The following SLC71A1 variants were observed in gnomAD, a reference collection of about 807,000 sequenced individuals.
The protein encoded by SLC71A1 is solute carrier family 71 member 1.
At chr1:100,064,826 C>T in the SLC71A1 span, among the ~76,000 whole-genome samples, 15 of 151,342 alleles carry the variant, frequency 9.9e-5, no homozygotes, top group African/African-American at 2.9e-4. Flanking sequence ...TGGGCTCAAG[C>T]GATCCTTCTG....
the SLC71A1 span, chr1:100,038,340 A>T: frequency 1.3e-6 from 2 of 1,549,764 alleles, no homozygotes; most frequent in African/African-American, 2.7e-5. Flanking sequence ...CGCGCCGGCG[A>T]GCGTCCCTCG....
the SLC71A1 span, chr1:100,082,468 C>T: frequency 2.2e-6 from 1 of 451,978 alleles, no homozygotes. Flanking sequence ...TATTATACAT[C>T]CTTTAATTAA....
the SLC71A1 span, among the ~76,000 whole-genome samples, chr1:100,046,211 CGTTTTT>C: frequency 2.9e-5 from 2 of 69,504 alleles, no homozygotes; most frequent in African/African-American, 4.3e-5. Flanking sequence ...CTCCAAGCCT[CGTTTTT>C]TTTTTTTTTT....
At chr1:100,050,930 CAA>C in the SLC71A1 span, among the ~76,000 whole-genome samples, 1 of 151,714 alleles carries the variant, frequency 6.6e-6, no homozygotes, top group Non-Finnish European at 1.5e-5. Context: ...ACAAAAAATG[CAA>C]AAATTAGTTG....
chr1:100,071,391 A>C, the SLC71A1 span, among the ~76,000 whole-genome samples: 1 of 150,786 alleles, frequency 6.6e-6, no homozygotes, highest in Non-Finnish European at 1.5e-5. Flanking sequence ...GGATTGCTTG[A>C]TCCTGGGAGG....
the SLC71A1 span, among the ~76,000 whole-genome samples, chr1:100,064,165 G>A: frequency 1.3e-5 from 2 of 151,966 alleles, no homozygotes; most frequent in African/African-American, 2.4e-5. Flanking sequence ...TTGTTGAGAC[G>A]GAGTCTCGCT....
the SLC71A1 span, among the ~76,000 whole-genome samples, chr1:100,063,265 AAAAACAAAAC>A: frequency 0.052 from 7,824 of 151,460 alleles, 377 homozygotes; most frequent in African/African-American, 0.12. Flanking sequence ...TGTTCTGGCA[AAAAACAAAAC>A]AAAACAAAAC....
At chr1:100,060,015 C>T in the SLC71A1 span, 2 of 1,590,948 alleles carry the variant, frequency 1.3e-6, no homozygotes, top group Non-Finnish European at 1.7e-6. Flanking sequence ...GGTATGTGCA[C>T]ATTTAGATTA....
the SLC71A1 span, chr1:100,077,223 G>T: frequency 6.3e-7 from 1 of 1,596,914 alleles, no homozygotes; most frequent in Non-Finnish European, 8.6e-7. Flanking sequence ...ATTTTACTGG[G>T]TCTAGGATTT....
the SLC71A1 span, among the ~76,000 whole-genome samples, chr1:100,052,795 G>A: frequency 3.4e-5 from 5 of 146,864 alleles, no homozygotes; most frequent in East Asian, 2.0e-4. Context: ...GTTTGTTTGT[G>A]TATTTTGAGA....
the SLC71A1 span, chr1:100,080,382 G>A: frequency 1.8e-5 from 14 of 789,150 alleles, no homozygotes; most frequent in Non-Finnish European, 2.5e-5. Context: ...TAAATTGCTA[G>A]TGTCTGATAA....
At chr1:100,060,947 A>G in the SLC71A1 span, among the ~76,000 whole-genome samples, 2 of 152,114 alleles carry the variant, frequency 1.3e-5, no homozygotes, top group African/African-American at 2.4e-5. Context: ...CAAAGGCCCA[A>G]AGGTTTATAT....
At chr1:100,038,345 C>A in the SLC71A1 span, 5 of 1,541,924 alleles carry the variant, frequency 3.2e-6, no homozygotes, top group Admixed American at 7.8e-5. Context: ...CGGCGAGCGT[C>A]CCTCGGGGCC....
chr1:100,045,058 G>A, the SLC71A1 span, among the ~76,000 whole-genome samples: 2 of 152,054 alleles, frequency 1.3e-5, no homozygotes, highest in Non-Finnish European at 2.9e-5. Context: ...GTATTTTGAT[G>A]GGAATTGCAT....
At chr1:100,042,801 G>A in the SLC71A1 span, among the ~76,000 whole-genome samples, 2 of 151,998 alleles carry the variant, frequency 1.3e-5, no homozygotes, top group African/African-American at 4.8e-5. Flanking sequence ...GTAGAGACCG[G>A]ATTTTACCAT....
At chr1:100,076,482 A>C in the SLC71A1 span, among the ~76,000 whole-genome samples, 5 of 152,214 alleles carry the variant, frequency 3.3e-5, no homozygotes, top group Non-Finnish European at 5.9e-5. Context: ...TGCCAGGCAC[A>C]ATTCTAAGAA....
the SLC71A1 span, among the ~76,000 whole-genome samples, chr1:100,054,377 T>A: frequency 6.6e-6 from 1 of 152,094 alleles, no homozygotes; most frequent in Admixed American, 6.5e-5. Context: ...CATGCCTGGC[T>A]AATTTTTTTA....
chr1:100,040,401 A>C, the SLC71A1 span, among the ~76,000 whole-genome samples: 1 of 152,214 alleles, frequency 6.6e-6, no homozygotes. Context: ...TGATTGTAAA[A>C]TGGTAGTTGC....
the SLC71A1 span, among the ~76,000 whole-genome samples, chr1:100,044,511 A>ATT: frequency 0.038 from 3,869 of 103,066 alleles, 153 homozygotes; most frequent in African/African-American, 0.064. Flanking sequence ...TACTCTGCTG[A>ATT]TTTTTTTTTT....
Sources: gnomAD v4.1 joint callset for allele counts (sites outside exome capture counted in the v4.1 genomes callset) on GRCh38, gnomAD v4.1.1 for gene constraint, MANE v1.5 for transcripts, NCBI Gene and HGNC (gene_info 2026-07-23, HGNC 2026-07-21) for gene names.